Variants in SCLT1 observed in about 807,000 individuals in gnomAD.
SCLT1 encodes the protein sodium channel-associated protein 1.
Under a neutral mutation model 112.8 loss-of-function variants are expected in SCLT1, and 78 were observed. The ratio of observed to expected loss-of-function variants is 0.69; its 90% CI spans 0.58 to 0.83. The LOEUF (loss-of-function observed/expected upper bound fraction) is 0.83. Ranked by LOEUF, SCLT1 falls within the 40% of genes least tolerant of loss-of-function variation. SCLT1 has a pLI of 0.00. For missense variants in SCLT1, 747 were observed against 770.4 expected, an observed-to-expected ratio of 0.97 and a Z score of 0.36; for synonymous variants, 257 against 254.7, an observed-to-expected ratio of 1.01 and a Z score of -0.09.
chr4:129,010,136 A>C (rs1207806094), intron 5 of SCLT1, among the ~76,000 whole-genome samples: 1 of 152,198 alleles, frequency 6.6e-6, no homozygotes, highest in Non-Finnish European at 1.5e-5. Context: ...TCTTCTGCAC[A>C]TGGCTAGCCA....
intron 5 of SCLT1, among the ~76,000 whole-genome samples, chr4:129,012,711 G>A (rs1185923258): frequency 1.3e-5 from 2 of 151,532 alleles, no homozygotes; most frequent in Admixed American, 1.3e-4. Context: ...CCTGTGTTGG[G>A]TACATATATA....
rs200505719 is a variant in SCLT1 at position 129,086,317 on chromosome 4, A to G, written c.35-3944T>C. ...TGAAGATGCTGGTGTATGTATGTAT[A>G]TATATATATATATATATATACACAC... On this transcript the variant is annotated intron_variant, in intron 1 of 20. Coordinates refer to ENST00000281142, the MANE Select transcript of SCLT1 (RefSeq NM_144643.4). Among the ~76,000 whole-genome samples the G allele has an allele frequency of 2.5e-3, 36 of 14,386 alleles. No homozygotes were observed. The South Asian group carries it at 0.044, about 18-fold the overall frequency. The allele number at this position is 14,386 out of a possible 152,430, so 9.4% of individuals were successfully genotyped here.
intron 11 of SCLT1, among the ~76,000 whole-genome samples, chr4:128,961,887 A>G (rs936755007): frequency 6.6e-6 from 1 of 152,200 alleles, no homozygotes; most frequent in Admixed American, 6.5e-5. Context: ...AATGATTGTT[A>G]TGATTTCTAC....
chr4:128,918,072 C>T (rs1229065905), intron 18 of SCLT1, among the ~76,000 whole-genome samples: 3 of 152,280 alleles, frequency 2.0e-5, no homozygotes, highest in South Asian at 2.1e-4. Context: ...AAACCCCACC[C>T]TTAGTTGAAG....
intron 18 of SCLT1, among the ~76,000 whole-genome samples, chr4:128,901,460 G>C (rs2125935478): frequency 6.7e-6 from 1 of 149,508 alleles, no homozygotes; most frequent in East Asian, 2.0e-4. Flanking sequence ...TCTTGGGTGG[G>C]AATTGAACAA....
intron 1 of SCLT1, among the ~76,000 whole-genome samples, chr4:129,087,948 A>G (rs1295047485): frequency 6.6e-6 from 1 of 151,224 alleles, no homozygotes; most frequent in African/African-American, 2.4e-5. Context: ...TTAGCCAGAT[A>G]TGGTGGCATG....
intron 2 of SCLT1, among the ~76,000 whole-genome samples, chr4:129,049,545 T>G (rs546828402): frequency 2.0e-5 from 3 of 148,178 alleles, no homozygotes; most frequent in Non-Finnish European, 4.5e-5. Context: ...CGAGTTAATG[T>G]GTGCAGCACA....
At chr4:128,957,587 C>T (rs1389661199) in intron 12 of SCLT1, among the ~76,000 whole-genome samples, 1 of 151,990 alleles carries the variant, frequency 6.6e-6, no homozygotes, top group Non-Finnish European at 1.5e-5. Context: ...TTCTATAATT[C>T]CAATCATTTC....
At chr4:128,900,469 G>A (rs1466944834) in intron 18 of SCLT1, among the ~76,000 whole-genome samples, 1 of 152,114 alleles carries the variant, frequency 6.6e-6, no homozygotes, top group Non-Finnish European at 1.5e-5. Flanking sequence ...AAACTGGCTA[G>A]CCATATGTAG....
In SCLT1 at chr4:129,093,076, C is replaced by A; in HGVS notation, c.28G>T (p.Glu10Ter). MAAEIDFLREQNRRLNEDFR... is the reference protein window; with the variant it reads MAAEIDFLR Reference sequence around the variant, plus strand: ...AAAAAAACATGGAGCTTACTTTGCTCTCTCAGAAAGTCGATTTCTGCAGCC... The same window carrying A: ...AAAAAAACATGGAGCTTACTTTGCTATCTCAGAAAGTCGATTTCTGCAGCC... The change falls in exon 1 of 21, where the codon GAG (glutamate) becomes TAG (stop). Residue 10 changes from glutamate (E) to a stop codon, truncating the protein, a stop_gained. Coordinates refer to ENST00000281142, the MANE Select transcript of SCLT1 (RefSeq NM_144643.4). LOFTEE classifies it high-confidence loss of function. 1 of 1,611,596 alleles carries A rather than the reference C, an allele frequency of 6.2e-7. No homozygotes were observed. The highest frequency in any genetic ancestry group is 2.2e-5 in the East Asian group (1 of 44,888).
intron 6 of SCLT1, among the ~76,000 whole-genome samples, chr4:129,000,862 T>A (rs768661050): frequency 3.3e-5 from 5 of 151,922 alleles, no homozygotes; most frequent in Non-Finnish European, 7.4e-5. Flanking sequence ...ACGACCCTCT[T>A]GTGATCTCTT....
chr4:128,971,903 G>C (rs1740720755), intron 9 of SCLT1: 1 of 152,118 alleles, frequency 6.6e-6, no homozygotes. Flanking sequence ...CGTGCCTGTA[G>C]TCCCAGCTAC....
chr4:129,055,818 TAA>T (rs56689003), intron 2 of SCLT1, among the ~76,000 whole-genome samples: 226 of 132,482 alleles, frequency 1.7e-3, no homozygotes, highest in Middle Eastern at 7.6e-3. Flanking sequence ...GCCACTGGCA[TAA>T]AAAAAAAAAA....
At chr4:128,907,822 A>G (rs1734800980) in intron 18 of SCLT1, among the ~76,000 whole-genome samples, 1 of 152,204 alleles carries the variant, frequency 6.6e-6, no homozygotes, top group South Asian at 2.1e-4. Context: ...TGGTATGGTT[A>G]TGAGAGTATG....
At chr4:129,083,655 A>G (rs1001435793) in intron 1 of SCLT1, among the ~76,000 whole-genome samples, 1 of 151,882 alleles carries the variant, frequency 6.6e-6, no homozygotes, top group East Asian at 1.9e-4. Context: ...ACAGAGCAAG[A>G]CTCTATCTCA....
At chr4:129,039,275 A>C in intron 4 of SCLT1, 179 bp from the exon 5 acceptor site, 1 of 492,704 alleles carries the variant, frequency 2.0e-6, no homozygotes, top group Non-Finnish European at 3.7e-6. Flanking sequence ...AGAACACAAT[A>C]AAACATTCAT....
downstream of SCLT1, among the ~76,000 whole-genome samples, chr4:128,879,931 C>T (rs1732605570): frequency 6.6e-6 from 1 of 151,978 alleles, no homozygotes; most frequent in Non-Finnish European, 1.5e-5. Context: ...GACTGTGCTG[C>T]CATAGAATGA....
intron 12 of SCLT1, among the ~76,000 whole-genome samples, chr4:128,958,974 G>T (rs965589485): frequency 3.3e-5 from 5 of 152,008 alleles, no homozygotes; most frequent in African/African-American, 1.2e-4. Context: ...GATGAATGTT[G>T]GTAAATAAAT....
At chr4:128,948,261 G>A (rs370291243) in intron 15 of SCLT1, among the ~76,000 whole-genome samples, 6 of 149,924 alleles carry the variant, frequency 4.0e-5, no homozygotes, top group South Asian at 2.1e-4. Flanking sequence ...GCCTGAACCC[G>A]GGAGGTGGAG....
Sources: allele counts gnomAD v4.1 joint callset (sites outside exome capture counted in the v4.1 genomes callset), GRCh38; gene constraint gnomAD v4.1.1; transcripts MANE v1.5; gene names NCBI Gene and HGNC (gene_info 2026-07-23, HGNC 2026-07-21).